USP48: variants seen among roughly 807,000 people sequenced by gnomAD.
The protein encoded by USP48 is ubiquitin specific peptidase 48, also known as ubiquitin carboxyl-terminal hydrolase 48.
USP48 carries 43 observed loss-of-function variants against 150.7 expected under a neutral mutation model. That is an observed-to-expected ratio of 0.29 (90% CI 0.22 to 0.37). USP48 has a LOEUF of 0.37. Among genes scored for constraint, USP48 ranks in the 10% least tolerant of loss-of-function variants. The pLI is 1.00. For synonymous variants in USP48, 396 were observed against 425.9 expected (o/e 0.93, Z 0.86); for missense variants, 813 against 1,249.6 (o/e 0.65, Z 5.27).
In USP48 at chr1:21,679,184, C is replaced by T. The variant is rs1055159949; in HGVS notation, c.*233G>A. 1 of 452,226 alleles carries T rather than the reference C, an allele frequency of 2.2e-6. No homozygotes were observed. The highest frequency in any genetic ancestry group is 2.3e-5 in the South Asian group (1 of 43,494). The allele number at this position is 452,226 out of a possible 1,614,324, so 28.0% of individuals were successfully genotyped here. A position where few individuals can be genotyped will look rare whatever the true frequency, so the allele number is the denominator to read the frequency against. ...TCTTTACTTGCCCCCTCCCACCCAC[C>T]ACCCCCCTTAAATATAAAATTGGAA... On this transcript the variant is annotated 3_prime_UTR_variant, in exon 27 of 27. Coordinates refer to ENST00000308271, the MANE Select transcript of USP48 (RefSeq NM_032236.8).
chr1:21,738,650 G>A lies in USP48; in HGVS notation c.992-2025C>T, dbSNP rs1257619975. ...TGGGATTACAGGTGTGAGCCACCAC[G>A]CCCGGCCCATTTTTTTTTTTTATAG... On this transcript the variant is annotated intron_variant, in intron 8 of 26. Coordinates refer to ENST00000308271, the MANE Select transcript of USP48 (RefSeq NM_032236.8). 2.6e-5 allele frequency among the ~76,000 whole-genome samples: 4 copies of A among 151,528 alleles called. No individual in the cohort carries two copies. In the East Asian group the frequency reaches 7.7e-4, roughly 29 times the overall value.
At chr1:21,719,023 T>C (rs2097712270) in intron 14 of USP48, among the ~76,000 whole-genome samples, 1 of 151,968 alleles carries the variant, frequency 6.6e-6, no homozygotes, top group African/African-American at 2.4e-5. Context: ...TCCTAGCACT[T>C]TGGGAGGCCA....
intron 15 of USP48, among the ~76,000 whole-genome samples, chr1:21,708,503 C>G (rs1394537185): frequency 3.3e-5 from 5 of 150,770 alleles, no homozygotes; most frequent in Admixed American, 6.6e-5. Context: ...TCTCAAAAAA[C>G]AAAAACAAAC....
At chr1:21,707,161 T>G (rs572846433) in intron 15 of USP48, among the ~76,000 whole-genome samples, 60 of 152,304 alleles carry the variant, frequency 3.9e-4, no homozygotes, top group African/African-American at 1.4e-3. Flanking sequence ...CCGTGCATTT[T>G]CTTTCTCCTT....
intron 14 of USP48, among the ~76,000 whole-genome samples, chr1:21,717,404 A>C (rs1166579146): frequency 6.6e-6 from 1 of 151,058 alleles, no homozygotes; most frequent in Non-Finnish European, 1.5e-5. Flanking sequence ...ATCCTGTCTA[A>C]AAAAACAAAA....
chr1:21,771,747 CCGTCTCTACTAAAA>C (rs2097881351), intron 1 of USP48, among the ~76,000 whole-genome samples: 1 of 151,970 alleles, frequency 6.6e-6, no homozygotes. Flanking sequence ...CGGAGAAACC[CCGTCTCTACTAAAA>C]ACACAAAATT....
chr1:21,728,461 T>C (rs1336149281), intron 11 of USP48, 109 bp downstream of exon 11: 3 of 1,504,176 alleles, frequency 2.0e-6, no homozygotes, highest in Non-Finnish European at 1.8e-6. Flanking sequence ...CTGGCTTTAG[T>C]GGGTTATTAG....
intron 23 of USP48, among the ~76,000 whole-genome samples, chr1:21,694,572 C>CAAAAAAAAAAAAAAAAAA (rs1204062748): frequency 4.2e-4 from 5 of 12,020 alleles, no homozygotes; most frequent in African/African-American, 2.3e-3. Flanking sequence ...TCTGTCTCAC[C>CAAAAAAAAAAAAAAAAAA]AAAAAAAAAA....
chr1:21,747,628 A>C (rs1164118887), intron 7 of USP48, among the ~76,000 whole-genome samples: 1 of 152,078 alleles, frequency 6.6e-6, no homozygotes, highest in Non-Finnish European at 1.5e-5. Flanking sequence ...GCCGGAGTAC[A>C]ATGGTGCAAT....
intron 15 of USP48, among the ~76,000 whole-genome samples, chr1:21,710,565 ATC>A (rs1421864252): frequency 6.6e-6 from 1 of 152,218 alleles, no homozygotes; most frequent in Non-Finnish European, 1.5e-5. Context: ...GTTATATAAT[ATC>A]TGCAACAAAT....
At chr1:21,716,800 G>T (rs1002725749) in intron 14 of USP48, among the ~76,000 whole-genome samples, 2 of 151,544 alleles carry the variant, frequency 1.3e-5, no homozygotes, top group Non-Finnish European at 2.9e-5. Flanking sequence ...AGGCTGAGGC[G>T]GGTGGATCAC....
At chr1:21,743,137 T>A (rs922754591) in intron 8 of USP48, among the ~76,000 whole-genome samples, 6 of 152,072 alleles carry the variant, frequency 3.9e-5, no homozygotes, top group African/African-American at 1.4e-4. Context: ...CTATTGACCC[T>A]AATTGGTCAA....
At chr1:21,747,576 C>CTTT (rs112316099) in intron 7 of USP48, among the ~76,000 whole-genome samples, 1 of 147,988 alleles carries the variant, frequency 6.8e-6, no homozygotes, top group Non-Finnish European at 1.5e-5. Flanking sequence ...GTTTTTCTTT[C>CTTT]TTTTTTTTTT....
intron 25 of USP48, chr1:21,686,973 C>T (rs1031447958): frequency 1.2e-4 from 69 of 563,200 alleles, no homozygotes; most frequent in Admixed American, 6.9e-4. Context: ...GCAGAGCTCA[C>T]ATTTATTTCA....
chr1:21,721,317 G>A, intron 13 of USP48, 151 bp from the exon 14 acceptor site: 1 of 1,163,478 alleles, frequency 8.6e-7, no homozygotes, highest in Non-Finnish European at 1.2e-6. Context: ...CCTAATTTCG[G>A]TCATTTTCTC....
chr1:21,683,261 A>G (rs2097571650), intron 25 of USP48, among the ~76,000 whole-genome samples: 5 of 152,220 alleles, frequency 3.3e-5, no homozygotes, highest in Admixed American at 3.3e-4. Context: ...AATAAAAAAT[A>G]AAAAATAAAA....
intron 22 of USP48, among the ~76,000 whole-genome samples, chr1:21,697,464 C>G (rs1373875117): frequency 6.6e-6 from 1 of 152,030 alleles, no homozygotes; most frequent in African/African-American, 2.4e-5. Flanking sequence ...GAGATTGAGA[C>G]CATCCTGGCT....
intron 1 of USP48, among the ~76,000 whole-genome samples, chr1:21,774,266 C>T (rs2097891241): frequency 6.6e-6 from 1 of 151,534 alleles, no homozygotes; most frequent in Non-Finnish European, 1.5e-5. Flanking sequence ...GAGATTTTAG[C>T]TTCTCTTGCC....
chr1:21,767,121 G>A (rs908600198), intron 1 of USP48, among the ~76,000 whole-genome samples: 2 of 152,038 alleles, frequency 1.3e-5, no homozygotes, highest in African/African-American at 4.8e-5. Context: ...TGGGCACTCA[G>A]GGTGTATAAT....
Sources: allele counts gnomAD v4.1 joint callset (sites outside exome capture counted in the v4.1 genomes callset), GRCh38; gene constraint gnomAD v4.1.1; transcripts MANE v1.5; gene names NCBI Gene and HGNC (gene_info 2026-07-23, HGNC 2026-07-21).